DCAF7: variants seen among roughly 807,000 people sequenced by gnomAD.
DCAF7 encodes DDB1 and CUL4 associated factor 7, also known as DDB1- and CUL4-associated factor 7.
Under a neutral mutation model 41.2 loss-of-function variants are expected in DCAF7, and 4 were observed. That is an observed-to-expected ratio of 0.10 (90% CI 0.05 to 0.22). The LOEUF (loss-of-function observed/expected upper bound fraction) is 0.22, where lower values mean the gene tolerates loss of function less well. DCAF7 is among the 10% of genes least tolerant of loss of function. The pLI, the probability that DCAF7 is intolerant of heterozygous loss-of-function variation, is 1.00. For missense variants in DCAF7, 131 were observed against 443.2 expected (o/e 0.30, Z 6.32); for synonymous variants, 143 against 164.2 (o/e 0.87, Z 0.99).
intron 2 of DCAF7, 148 bp downstream of exon 2, chr17:63,578,776 T>A (rs1180524275): frequency 8.9e-7 from 1 of 1,117,404 alleles, no homozygotes; most frequent in East Asian, 2.4e-5. Context: ...TGGACTGGCC[T>A]CGTTTGGCTC....
chr17:63,552,030 A>G (rs1382444627), intron 1 of DCAF7, among the ~76,000 whole-genome samples: 1 of 149,118 alleles, frequency 6.7e-6, no homozygotes, highest in Admixed American at 6.7e-5. Flanking sequence ...GTGAGCCGAG[A>G]TGGCGCCACT....
intron 6 of DCAF7, among the ~76,000 whole-genome samples, chr17:63,588,221 T>G (rs1336030452): frequency 1.4e-5 from 2 of 143,378 alleles, no homozygotes; most frequent in Non-Finnish European, 3.0e-5. Context: ...GAAGTCTCAC[T>G]CTGTCACCCA....
chr17:63,578,953 T>A (rs2033591100), intron 2 of DCAF7, among the ~76,000 whole-genome samples: 1 of 152,184 alleles, frequency 6.6e-6, no homozygotes, highest in South Asian at 2.1e-4. Flanking sequence ...CTAAATGAAA[T>A]ACCAGGCCAT....
chr17:63,556,622 A>G (rs1297180212), intron 1 of DCAF7, among the ~76,000 whole-genome samples: 2 of 151,876 alleles, frequency 1.3e-5, no homozygotes, highest in Non-Finnish European at 1.5e-5. Flanking sequence ...TAATCCCAGC[A>G]CTTTGGGAGG....
chr17:63,567,656 G>A (rs538849561), intron 1 of DCAF7, among the ~76,000 whole-genome samples: 24 of 152,160 alleles, frequency 1.6e-4, no homozygotes, highest in African/African-American at 4.8e-4. Context: ...TTTATTTGGC[G>A]TCCTTCTTTT....
intron 1 of DCAF7, among the ~76,000 whole-genome samples, chr17:63,561,738 A>AT (rs1568098625): frequency 2.0e-5 from 3 of 149,706 alleles, no homozygotes; most frequent in African/African-American, 7.7e-5. Flanking sequence ...AAAATGTGTT[A>AT]TAAGTATAGA....
chr17:63,569,304 G>T (rs1266169679), intron 1 of DCAF7, among the ~76,000 whole-genome samples: 3 of 151,302 alleles, frequency 2.0e-5, no homozygotes, highest in Admixed American at 6.6e-5. Context: ...CCTCTAGGGT[G>T]TCCCCATTTT....
chr17:63,558,253 AT>A (rs1172737170), intron 1 of DCAF7, among the ~76,000 whole-genome samples: 2 of 152,212 alleles, frequency 1.3e-5, no homozygotes, highest in Non-Finnish European at 2.9e-5. Context: ...CCCAGACAAA[AT>A]GATCAAGTCC....
intron 1 of DCAF7, among the ~76,000 whole-genome samples, chr17:63,559,439 G>GTGTGTATATATATATATATATATA (rs1555680864): frequency 8.2e-6 from 1 of 122,178 alleles, no homozygotes; most frequent in African/African-American, 3.5e-5. Context: ...ATATGTGTGT[G>GTGTGTATATATATATATATATATA]TATATATATA....
Position 63,589,436 on chromosome 17 carries a change from T to A in DCAF7, c.*264T>A. The A allele has an allele frequency of 2.0e-6, 1 of 508,328 alleles. No individual in the cohort carries two copies. Among genetic ancestry groups the A allele is most frequent in the Non-Finnish European group, 3.6e-6 (1 of 276,030 alleles). The allele number at this position is 508,328 out of a possible 1,614,324, so 31.5% of individuals were successfully genotyped here. On this transcript the variant is annotated 3_prime_UTR_variant, in exon 7 of 7. Coordinates refer to ENST00000614556, the MANE Select transcript of DCAF7 (RefSeq NM_005828.5). ...TCCTCTTCTCCTTTGGTTCCTCAAT[T>A]AAAAAATGTGTGTATATTTGTTTGT...
At chr17:63,553,456 A>G (rs2033279991) in intron 1 of DCAF7, among the ~76,000 whole-genome samples, 1 of 152,238 alleles carries the variant, frequency 6.6e-6, no homozygotes, top group Admixed American at 6.5e-5. Flanking sequence ...AAGTATGTGT[A>G]GTGGTTGGTG....
At chr17:63,562,304 G>A (rs1213528510) in intron 1 of DCAF7, among the ~76,000 whole-genome samples, 2 of 152,016 alleles carry the variant, frequency 1.3e-5, no homozygotes, top group African/African-American at 4.8e-5. Flanking sequence ...CAGATCAAAC[G>A]TCTAATTATA....
At chr17:63,568,929 G>A (rs1333408955) in intron 1 of DCAF7, among the ~76,000 whole-genome samples, 1 of 152,224 alleles carries the variant, frequency 6.6e-6, no homozygotes, top group African/African-American at 2.4e-5. Flanking sequence ...GCTAAAACTA[G>A]ATAGCTTTTG....
intron 5 of DCAF7, among the ~76,000 whole-genome samples, chr17:63,584,612 A>G (rs2033658381): frequency 6.6e-6 from 1 of 151,696 alleles, no homozygotes; most frequent in Non-Finnish European, 1.5e-5. Context: ...AATACAAAAA[A>G]TTAGCCGGGC....
chr17:63,585,164 C>G (rs1332496647), intron 5 of DCAF7, 47 bp from the exon 6 acceptor site: 5 of 1,517,078 alleles, frequency 3.3e-6, no homozygotes, highest in Non-Finnish European at 4.5e-6. Context: ...TTGTTTTTTT[C>G]TATGAAACTC....
At position 63,583,653 on chromosome 17, in the gene DCAF7, T is replaced by G; in HGVS notation, c.680T>G (p.Leu227Arg). 6.2e-7 allele frequency: 1 copy of G among 1,613,270 alleles called. No individual in the cohort carries two copies. Among genetic ancestry groups the G allele is most frequent in the Non-Finnish European group, 8.5e-7 (1 of 1,179,376 alleles). Residue 227 changes from leucine to arginine, a missense_variant, in exon 5 of 7, where the codon CTC becomes CGC. Transcript: ENST00000614556. The part of the protein sequence containing the change: ...EDPQHHPLLR[L>R]CWNKQDPNYL... ...CCACAGCATCACCCACTGCTTCGCC[T>G]CTGCTGGAACAAGCAGGACCCTAAC...
intron 1 of DCAF7, among the ~76,000 whole-genome samples, chr17:63,555,676 T>C (rs1249160816): frequency 6.6e-6 from 1 of 152,234 alleles, no homozygotes; most frequent in Non-Finnish European, 1.5e-5. Flanking sequence ...CTGTCAAGAC[T>C]GTCAGCAGGG....
intron 1 of DCAF7, among the ~76,000 whole-genome samples, chr17:63,570,876 T>C (rs1043990227): frequency 1.3e-5 from 2 of 152,062 alleles, no homozygotes; most frequent in African/African-American, 2.4e-5. Context: ...TGGAAAAAAT[T>C]TTAAAATTTT....
At chr17:63,575,604 C>T (rs1246091624) in intron 1 of DCAF7, among the ~76,000 whole-genome samples, 2 of 152,088 alleles carry the variant, frequency 1.3e-5, no homozygotes, top group Admixed American at 6.6e-5. Flanking sequence ...ATGAGAATCA[C>T]TTGAACATGG....
Sources: allele counts gnomAD v4.1 joint callset (sites outside exome capture counted in the v4.1 genomes callset), GRCh38; gene constraint gnomAD v4.1.1; transcripts MANE v1.5; gene names NCBI Gene and HGNC (gene_info 2026-07-23, HGNC 2026-07-21).